The following NCAM2 variants were observed in gnomAD, a reference collection of about 807,000 sequenced individuals.
NCAM2 encodes N-CAM-2.
A neutral mutation model predicts 98.1 loss-of-function variants in NCAM2; 30 were observed. That is an observed-to-expected ratio of 0.31 (90% CI 0.23 to 0.41). NCAM2 has a LOEUF of 0.41. Ranked by LOEUF, NCAM2 falls within the 10% of genes least tolerant of loss-of-function variation. The pLI, the probability that NCAM2 is intolerant of heterozygous loss-of-function variation, is 1.00. For missense variants in NCAM2, 867 were observed against 1,005.8 expected, an observed-to-expected ratio of 0.86 and a Z score of 1.87; for synonymous variants, 368 against 342.4, an observed-to-expected ratio of 1.07 and a Z score of -0.83.
intron 5 of NCAM2, among the ~76,000 whole-genome samples, chr21:21,310,264 G>T (rs2074004446): frequency 6.6e-6 from 1 of 152,012 alleles, no homozygotes; most frequent in Admixed American, 6.6e-5. Flanking sequence ...TAACAGCAGG[G>T]TATCACAATG....
intron 1 of NCAM2, among the ~76,000 whole-genome samples, chr21:21,209,234 C>T (rs369121192): frequency 5.9e-5 from 9 of 151,894 alleles, no homozygotes; most frequent in South Asian, 4.2e-4. Context: ...TATTTACTTA[C>T]GAGATTGGTC....
At position 21,100,470 on chromosome 21, in the gene NCAM2, C is replaced by T. The variant is rs76628747; in HGVS notation, c.55+101852C>T. The stretch of plus-strand genomic sequence containing the variant: ...CAGAAGTACAAGGTGGTGGTTGCCC[C>T]AGAAAACATGATGCCGTGTAGAAAC... On this transcript the variant is annotated intron_variant, in intron 1 of 17. Coordinates refer to ENST00000400546, the MANE Select transcript of NCAM2 (RefSeq NM_004540.5). Among the ~76,000 whole-genome samples, 199 of 151,950 alleles carry T rather than the reference C, an allele frequency of 1.3e-3. 4 individuals are homozygous for T. The East Asian group carries it at 0.038, about 29-fold the overall frequency.
intron 1 of NCAM2, among the ~76,000 whole-genome samples, chr21:21,043,521 A>C (rs943368187): frequency 1.3e-5 from 2 of 152,072 alleles, no homozygotes; most frequent in Non-Finnish European, 2.9e-5. Flanking sequence ...TAAAGACAAA[A>C]ATTATTTTTG....
chr21:21,239,978 TCTTTGTCTCC>T (rs2071000290), intron 1 of NCAM2, among the ~76,000 whole-genome samples: 1 of 152,102 alleles, frequency 6.6e-6, no homozygotes, highest in Non-Finnish European at 1.5e-5. Context: ...TCTCCCCCTC[TCTTTGTCTCC>T]CTTTATGTTT....
intron 2 of NCAM2, among the ~76,000 whole-genome samples, chr21:21,281,510 T>C (rs1301297845): frequency 6.6e-6 from 1 of 152,158 alleles, no homozygotes; most frequent in Non-Finnish European, 1.5e-5. Flanking sequence ...TTTATGGGCC[T>C]CATTCAGAAT....
chr21:21,411,129 TATATATGTATATATATATAC>T (rs2076872710), intron 10 of NCAM2, among the ~76,000 whole-genome samples: 1 of 31,650 alleles, frequency 3.2e-5, no homozygotes, highest in Non-Finnish European at 8.9e-5. Flanking sequence ...TATATACACA[TATATATGTATATATATATAC>T]ATATATATAT....
At chr21:21,408,412 T>C (rs1359342580) in intron 9 of NCAM2, among the ~76,000 whole-genome samples, 1 of 152,202 alleles carries the variant, frequency 6.6e-6, no homozygotes, top group Non-Finnish European at 1.5e-5. Flanking sequence ...AATAGTGCAT[T>C]AAAAGTCCTT....
At chr21:20,999,187 G>GT (rs2063974517) in intron 1 of NCAM2, among the ~76,000 whole-genome samples, 1 of 152,206 alleles carries the variant, frequency 6.6e-6, no homozygotes, top group Middle Eastern at 3.4e-3. Flanking sequence ...GATATTGTGT[G>GT]TAAGAAAGCA....
chr21:21,468,619 C>G (rs1984032409), intron 13 of NCAM2, 43 bp from the exon 14 acceptor site: 10 of 1,560,256 alleles, frequency 6.4e-6, no homozygotes, highest in South Asian at 1.2e-5. Context: ...ATCTAGGTAT[C>G]TGAAATGTGT....
chr21:21,239,172 G>T (rs1435981225), intron 1 of NCAM2, among the ~76,000 whole-genome samples: 2 of 152,052 alleles, frequency 1.3e-5, no homozygotes, highest in African/African-American at 2.4e-5. Flanking sequence ...TCAGATGTTG[G>T]GCAAGCCCAA....
intron 8 of NCAM2, among the ~76,000 whole-genome samples, chr21:21,372,357 G>A (rs1458965941): frequency 1.3e-5 from 2 of 151,664 alleles, no homozygotes; most frequent in African/African-American, 4.8e-5. Context: ...CAGAGAGTGC[G>A]TTTTTGTAAA....
chr21:21,208,619 G>A lies in NCAM2; in HGVS notation c.56-71959G>A, dbSNP rs575823814. Among the ~76,000 whole-genome samples, 46 of 152,038 alleles carry A rather than the reference G, an allele frequency of 3.0e-4. 1 individual carries two copies. In the South Asian group the frequency reaches 9.1e-3, roughly 30 times the overall value. On this transcript the variant is annotated intron_variant, in intron 1 of 17. Transcript: ENST00000400546. ...GGTTTATTTGATGATATCAGATTCT[G>A]ATTCTAAAACCGTGAAAACTTGAAA...
At chr21:21,503,624 A>C (rs1159509326) in intron 15 of NCAM2, among the ~76,000 whole-genome samples, 5 of 152,006 alleles carry the variant, frequency 3.3e-5, no homozygotes, top group African/African-American at 7.2e-5. Flanking sequence ...AAACTGGATG[A>C]GGAGGGACTA....
intron 1 of NCAM2, among the ~76,000 whole-genome samples, chr21:21,173,933 T>G (rs553195574): frequency 1.3e-5 from 2 of 150,632 alleles, no homozygotes; most frequent in East Asian, 3.9e-4. Flanking sequence ...ATAAAACCTG[T>G]TTTTTTTGAG....
intron 1 of NCAM2, among the ~76,000 whole-genome samples, chr21:21,175,467 A>C (rs1432109951): frequency 1.3e-5 from 2 of 152,194 alleles, no homozygotes; most frequent in Admixed American, 6.5e-5. Context: ...TGGGAGGTGG[A>C]GGTTGCAGCA....
intron 1 of NCAM2, among the ~76,000 whole-genome samples, chr21:21,161,804 C>T (rs142234812): frequency 2.0e-5 from 3 of 151,858 alleles, no homozygotes; most frequent in Admixed American, 6.6e-5. Flanking sequence ...GCACTTAGTA[C>T]GTAATTGATA....
At chr21:21,492,335 G>T (rs1210907503) in intron 15 of NCAM2, among the ~76,000 whole-genome samples, 1 of 151,704 alleles carries the variant, frequency 6.6e-6, no homozygotes, top group Non-Finnish European at 1.5e-5. Context: ...TTGGCCTGTG[G>T]AGAACAACAA....
At chr21:21,023,061 T>A (rs535858887) in intron 1 of NCAM2, among the ~76,000 whole-genome samples, 3 of 152,182 alleles carry the variant, frequency 2.0e-5, no homozygotes, top group Admixed American at 1.3e-4. Context: ...GTAAGCTTTA[T>A]ACCTAAATAA....
intron 15 of NCAM2, among the ~76,000 whole-genome samples, chr21:21,482,792 A>T (rs1986007953): frequency 6.7e-6 from 1 of 149,448 alleles, no homozygotes; most frequent in Non-Finnish European, 1.5e-5. Context: ...TTCTTATTAA[A>T]GATGTACTTA....
Sources: allele counts gnomAD v4.1 joint callset (sites outside exome capture counted in the v4.1 genomes callset), GRCh38; gene constraint gnomAD v4.1.1; transcripts MANE v1.5; gene names NCBI Gene and HGNC (gene_info 2026-07-23, HGNC 2026-07-21).